The following SLC6A2 variants were observed in gnomAD, a reference collection of about 807,000 sequenced individuals.
The protein encoded by SLC6A2 is solute carrier family 6 member 2.
SLC6A2 carries 26 observed loss-of-function variants against 71.7 expected under a neutral mutation model. The ratio of observed to expected loss-of-function variants is 0.36; its 90% CI spans 0.27 to 0.50. The LOEUF (loss-of-function observed/expected upper bound fraction) is 0.50. SLC6A2 is among the 20% of genes least tolerant of loss of function. The pLI, the probability that SLC6A2 is intolerant of heterozygous loss-of-function variation, is 0.96. For synonymous variants in SLC6A2, 363 were observed against 337.9 expected (o/e 1.07, Z -0.82); for missense variants, 581 against 803.9 (o/e 0.72, Z 3.35).
rs573744900 is a variant in SLC6A2, at chr16:55,679,630, T to G, written c.645-5513T>G. Among the ~76,000 whole-genome samples, 33 of 152,340 alleles carry G rather than the reference T, an allele frequency of 2.2e-4. 1 individual carries two copies. The South Asian group carries it at 6.0e-3, about 28-fold the overall frequency. On this transcript the variant is annotated intron_variant, in intron 4 of 14. Transcript: ENST00000568943. ...GAGGGGTCTAAGTCAGGGGATTGTT[T>G]TGAGTTAGGACTAACAGGATGAGAA...
chr16:55,675,952 T>C (rs559946251), intron 4 of SLC6A2, among the ~76,000 whole-genome samples: 1 of 151,996 alleles, frequency 6.6e-6, no homozygotes, highest in Non-Finnish European at 1.5e-5. Flanking sequence ...GGGATTTAGT[T>C]TGGTTGAAAG....
At position 55,671,860 on chromosome 16, in the gene SLC6A2, GGTGGAGCCACACCCAAGGAGA is replaced by G. The variant is rs757546648; in HGVS notation, c.407-76_407-56del. 1.9e-6 allele frequency: 3 copies of G among 1,604,808 alleles called. No homozygotes were observed. In the South Asian group the frequency reaches 3.3e-5, roughly 18 times the overall value. On this transcript the variant is annotated intron_variant, in intron 3 of 14. Transcript: ENST00000568943. The stretch of plus-strand genomic sequence containing the variant: ...GAGACAGAGGGAATGGGAGTGCAGT[GGTGGAGCCACACCCAAGGAGA>G]GGTGGCTGTGGGGCTGGGCCTGGGA...
In SLC6A2 at chr16:55,656,606, C is replaced by T; in HGVS notation, c.-51-38C>T. On this transcript the variant is annotated intron_variant, in intron 1 of 14. Transcript: ENST00000568943. The surrounding 1 kb of genome is among the most constrained non-coding windows in gnomAD (Gnocchi z 4.5). ...CTTGGGAGTTGCAAGTAGGGAGGAACGGCCGGGTAACCACCTCTTTTCCCT... is the reference window on the plus strand; with the variant it reads ...CTTGGGAGTTGCAAGTAGGGAGGAATGGCCGGGTAACCACCTCTTTTCCCT... The T allele has an allele frequency of 6.4e-7, 1 of 1,557,444 alleles. No individual in the cohort carries two copies. Among genetic ancestry groups the T allele is most frequent in the Non-Finnish European group, 8.8e-7 (1 of 1,136,084 alleles).
chr16:55,690,086 C>T (rs556994592), intron 5 of SLC6A2, among the ~76,000 whole-genome samples: 1 of 152,266 alleles, frequency 6.6e-6, no homozygotes, highest in East Asian at 1.9e-4. Flanking sequence ...TCTACTCAAC[C>T]CTCCACCCAC....
In SLC6A2 at chr16:55,702,640, G is replaced by T; in HGVS notation, c.*294G>T. ...CCACTTTGGGATCCTGCTGAAGCTA[G>T]GTTCATGAGGTCGGAAATCCCCACC... On this transcript the variant is annotated 3_prime_UTR_variant, in exon 15 of 15. Transcript: ENST00000568943. The T allele has an allele frequency of 7.4e-7, 1 of 1,349,814 alleles. No homozygotes were observed. The highest frequency in any genetic ancestry group is 9.5e-7 in the Non-Finnish European group (1 of 1,048,210). 83.6% of individuals were successfully genotyped at this position (1,349,814 alleles called of 1,614,324 possible).
chr16:55,696,797 C>T (rs1350476875), intron 9 of SLC6A2, among the ~76,000 whole-genome samples: 1 of 152,134 alleles, frequency 6.6e-6, no homozygotes, highest in Non-Finnish European at 1.5e-5. Context: ...GACTGGGCAA[C>T]ATAGGGAGAC....
chr16:55,692,535 C>A (rs955008700), intron 6 of SLC6A2, among the ~76,000 whole-genome samples: 2 of 152,214 alleles, frequency 1.3e-5, no homozygotes, highest in African/African-American at 4.8e-5. Flanking sequence ...AACCACTCCC[C>A]CTGTCCAGAG....
At chr16:55,658,991 G>A (rs1964536021) in intron 2 of SLC6A2, among the ~76,000 whole-genome samples, 1 of 152,218 alleles carries the variant, frequency 6.6e-6, no homozygotes, top group Non-Finnish European at 1.5e-5. Context: ...AAGAGGCAGG[G>A]AGATGATGAA....
intron 2 of SLC6A2, among the ~76,000 whole-genome samples, chr16:55,668,003 G>A (rs1192768309): frequency 6.6e-6 from 1 of 152,174 alleles, no homozygotes; most frequent in African/African-American, 2.4e-5. Context: ...AGGGTTTCTG[G>A]GTAGTGTAAG....
In SLC6A2 at chr16:55,704,748, A is replaced by G. The variant is rs1966066837; in HGVS notation, c.*2402A>G. The G allele has an allele frequency of 6.5e-6, 1 of 153,374 alleles. No homozygotes were observed. The highest frequency in any genetic ancestry group is 2.1e-4 in the South Asian group (1 of 4,862). The allele number at this position is 153,374 out of a possible 1,614,324, so 9.5% of individuals were successfully genotyped here. On this transcript the variant is annotated 3_prime_UTR_variant, in exon 15 of 15. Transcript: ENST00000568943. Reference sequence around the variant, plus strand: ...CATGTGGCCCCTTCTGCCTCCAGACATTTGTCCCGGGGTGAATCGGAGATG... The same window carrying G: ...CATGTGGCCCCTTCTGCCTCCAGACGTTTGTCCCGGGGTGAATCGGAGATG...
intron 12 of SLC6A2, 74 bp from the exon 13 acceptor site, chr16:55,700,065 C>T: frequency 3.9e-6 from 5 of 1,286,502 alleles, no homozygotes; most frequent in East Asian, 2.3e-5. Context: ...CTTTCTTCCA[C>T]CTCCTTCTCT....
intron 5 of SLC6A2, among the ~76,000 whole-genome samples, chr16:55,690,411 G>A (rs1965579714): frequency 6.6e-6 from 1 of 152,162 alleles, no homozygotes; most frequent in South Asian, 2.1e-4. Context: ...TTTGTTTAGA[G>A]CCCATATCTT....
At chr16:55,685,421 G>T in intron 5 of SLC6A2, 140 bp downstream of exon 5, 1 of 881,846 alleles carries the variant, frequency 1.1e-6, no homozygotes, top group African/African-American at 1.6e-5. Context: ...CCCCTGTTCT[G>T]CCACTGACTT....
intron 6 of SLC6A2, 36 bp from the exon 7 acceptor site, chr16:55,693,974 A>C (rs755821517): frequency 2.2e-6 from 3 of 1,350,880 alleles, no homozygotes; most frequent in Non-Finnish European, 3.2e-6. Context: ...GTGTTGTAGG[A>C]AGCAGAGGCT....
In SLC6A2 at chr16:55,705,466, G is replaced by A. The variant is rs566288487; in HGVS notation, c.*3120G>A. On this transcript the variant is annotated 3_prime_UTR_variant, in exon 15 of 15. Transcript: ENST00000568943. Reference sequence around the variant, plus strand: ...TATTTCCTTCGAAAGCCACCGAAGAGAGAAAAACAGAGAAGGTGTGTAGTG... The same window carrying A: ...TATTTCCTTCGAAAGCCACCGAAGAAAGAAAAACAGAGAAGGTGTGTAGTG... The A allele has an allele frequency of 4.9e-5, 27 of 546,224 alleles. No homozygotes were observed. The highest frequency in any genetic ancestry group is 4.3e-4 in the African/African-American group (23 of 53,276). 33.8% of individuals were successfully genotyped at this position (546,224 alleles called of 1,614,324 possible). A position where few individuals can be genotyped will look rare whatever the true frequency, so the allele number is the denominator to read the frequency against.
At chr16:55,696,820 A>C (rs1203011618) in intron 9 of SLC6A2, among the ~76,000 whole-genome samples, 4 of 152,130 alleles carry the variant, frequency 2.6e-5, no homozygotes, top group East Asian at 1.9e-4. Context: ...CCGTCTCTAT[A>C]AAAAATTTAA....
In SLC6A2 at chr16:55,701,735, C is replaced by A. The variant is rs116471090; in HGVS notation, c.1759-128C>A. On this transcript the variant is annotated intron_variant, in intron 13 of 14. Transcript: ENST00000568943. The stretch of plus-strand genomic sequence containing the variant: ...CAAAGCTGGAGGTGTCTTGTACAGA[C>A]CCCAAATGCTATCCATGTGGGGCTG... 1,773 of 763,062 alleles carry A rather than the reference C, an allele frequency of 2.3e-3. 18 individuals carry two copies. The African/African-American group carries it at 0.027, about 11-fold the overall frequency. The allele number at this position is 763,062 out of a possible 1,614,324, so 47.3% of individuals were successfully genotyped here.
intron 2 of SLC6A2, among the ~76,000 whole-genome samples, chr16:55,669,281 CTTGTGTATCA>C (rs1964838136): frequency 6.6e-6 from 1 of 152,190 alleles, no homozygotes; most frequent in South Asian, 2.1e-4. Context: ...ACAGCATGCA[CTTGTGTATCA>C]AAGGCTAGGA....
rs763105657 is a variant in SLC6A2 at position 55,685,145 on chromosome 16, G to A, written c.647G>A (p.Arg216His). The A allele has an allele frequency of 2.8e-5, 45 of 1,613,996 alleles. No individual in the cohort carries two copies. Among genetic ancestry groups the A allele is most frequent in the Non-Finnish European group, 3.8e-5 (45 of 1,180,020 alleles). The change falls in exon 5 of 15, where the codon CGT becomes CAT. Residue 216 changes from arginine to histidine, a missense_variant and splice_region_variant. Physicochemically the swap from Arg to His is conservative, Grantham distance 29. Transcript: ENST00000568943. Reference sequence around the variant, plus strand: ...CCCCTCCCCTCTCCTCTGGGCAGGCGTGGTGTCCTGCACCTTCACGAGAGC... The same window carrying A: ...CCCCTCCCCTCTCCTCTGGGCAGGCATGGTGTCCTGCACCTTCACGAGAGC... ...KFTPAAEFYE[R>H]GVLHLHESSG...
Sources: gnomAD v4.1 joint callset for allele counts (sites outside exome capture counted in the v4.1 genomes callset) on GRCh38, gnomAD v4.1.1 for gene constraint, Gnocchi (gnomAD v3.1) non-coding constraint, MANE v1.5 for transcripts, NCBI Gene and HGNC (gene_info 2026-07-23, HGNC 2026-07-21) for gene names.